TENT4B: variants seen among roughly 807,000 people sequenced by gnomAD.
The protein encoded by TENT4B is terminal nucleotidyltransferase 4B.
TENT4B carries 10 observed loss-of-function variants against 75.0 expected under a neutral mutation model. That is an observed-to-expected ratio of 0.13 (90% CI 0.08 to 0.23). The LOEUF is 0.23. Among genes scored for constraint, TENT4B ranks in the 10% least tolerant of loss-of-function variants. The pLI, the probability that TENT4B is intolerant of heterozygous loss-of-function variation, is 1.00. For synonymous variants in TENT4B, 350 were observed against 357.7 expected (o/e 0.98, Z 0.24); for missense variants, 579 against 893.8 (o/e 0.65, Z 4.49).
Position 50,232,522 on chromosome 16 carries a change from CT to C in TENT4B, c.*3195del. ...CTTATATCTCTCCATGTGTTTTCTG[CT>C]CCTTCCCTCCCCCATGAAATGGTAA... On this transcript the variant is annotated 3_prime_UTR_variant, in exon 12 of 12. Coordinates refer to ENST00000561678, the MANE Select transcript of TENT4B (RefSeq NM_001365324.3). 1.0e-6 allele frequency: 1 copy of C among 985,340 alleles called. No individual in the cohort carries two copies. Among genetic ancestry groups the C allele is most frequent in the African/African-American group, 1.7e-5 (1 of 57,316 alleles). The allele number at this position is 985,340 out of a possible 1,614,324, so 61.0% of individuals were successfully genotyped here. A position where few individuals can be genotyped will look rare whatever the true frequency, so the allele number is the denominator to read the frequency against.
In TENT4B at chr16:50,232,667, CA is replaced by C. The variant is rs1197768671; in HGVS notation, c.*3340del. On this transcript the variant is annotated 3_prime_UTR_variant, in exon 12 of 12. Coordinates refer to ENST00000561678, the MANE Select transcript of TENT4B (RefSeq NM_001365324.3). ...CAGGATTCTCTTGCTGTGACATGTT[CA>C]TTGCAAAGCCCTCTCCAGTGACTAG... 13 of 984,820 alleles carry C rather than the reference CA, an allele frequency of 1.3e-5. No homozygotes were observed. The highest frequency in any genetic ancestry group is 3.5e-5 in the African/African-American group (2 of 57,040). The allele number at this position is 984,820 out of a possible 1,614,324, so 61.0% of individuals were successfully genotyped here.
At chr16:50,185,641 A>T (rs1468987567) in intron 1 of TENT4B, among the ~76,000 whole-genome samples, 1 of 152,226 alleles carries the variant, frequency 6.6e-6, no homozygotes, top group Non-Finnish European at 1.5e-5. Flanking sequence ...ACACGTGAAG[A>T]GGATGCAGAG....
chr16:50,217,596 A>G lies in TENT4B; in HGVS notation c.971A>G (p.Lys324Arg). The part of the protein sequence containing the change: ...IKLTDSFTEV[K>R]VDISFNVQNG... The stretch of plus-strand genomic sequence containing the variant: ...TTAACAGATTCTTTTACTGAAGTGA[A>G]AGTTGATATCAGCTTTAATGTACAG... The change falls in exon 5 of 12, where the codon AAA becomes AGA. Residue 324 changes from lysine to arginine, a missense_variant. Coordinates refer to ENST00000561678, the MANE Select transcript of TENT4B (RefSeq NM_001365324.3). 6.5e-7 allele frequency: 1 copy of G among 1,529,406 alleles called. No homozygotes were observed. The highest frequency in any genetic ancestry group is 8.8e-7 in the Non-Finnish European group (1 of 1,141,026). The allele number at this position is 1,529,406 out of a possible 1,614,324, so 94.7% of individuals were successfully genotyped here. A position where few individuals can be genotyped will look rare whatever the true frequency, so the allele number is the denominator to read the frequency against.
chr16:50,218,102 C>T (rs9932844), intron 5 of TENT4B, among the ~76,000 whole-genome samples: 9,415 of 152,044 alleles, frequency 0.062, 468 homozygotes, highest in African/African-American at 0.13. Flanking sequence ...TTTGAATCTG[C>T]TTGTAATGAT....
intron 1 of TENT4B, among the ~76,000 whole-genome samples, chr16:50,176,412 T>C (rs571367924): frequency 6.6e-6 from 1 of 151,104 alleles, no homozygotes; most frequent in Non-Finnish European, 1.5e-5. Flanking sequence ...CCAAGTTTTA[T>C]TGAAAAAAAA....
intron 1 of TENT4B, among the ~76,000 whole-genome samples, chr16:50,180,703 C>T (rs2038397225): frequency 9.6e-6 from 1 of 104,576 alleles, no homozygotes; most frequent in African/African-American, 3.0e-5. Flanking sequence ...AGCGAGACTC[C>T]ATCTCAAAAA....
At chr16:50,218,495 A>G (rs903049913) in intron 5 of TENT4B, among the ~76,000 whole-genome samples, 1 of 151,966 alleles carries the variant, frequency 6.6e-6, no homozygotes, top group African/African-American at 2.4e-5. Context: ...GACGAGTACC[A>G]GGCACCTGCC....
chr16:50,197,577 C>T (rs1304694638), intron 1 of TENT4B, among the ~76,000 whole-genome samples: 1 of 152,176 alleles, frequency 6.6e-6, no homozygotes, highest in African/African-American at 2.4e-5. Flanking sequence ...GCGTGAGCCA[C>T]CATGCCATTT....
chr16:50,221,998 C>T (rs191398799), intron 5 of TENT4B, among the ~76,000 whole-genome samples: 22 of 152,270 alleles, frequency 1.4e-4, no homozygotes, highest in Middle Eastern at 3.4e-3. Flanking sequence ...CTCCTGACCT[C>T]AGGTGATCTG....
rs2031428209 is a variant in TENT4B, at chr16:50,214,137, T to G, written c.763-84T>G. On this transcript the variant is annotated intron_variant, in intron 2 of 11. Transcript: ENST00000561678. ...AGTACCAGTAGAGGGTAGCAAAAAC[T>G]GACATTTCTCCATATCTTGGTGACT... is the stretch of plus-strand genomic sequence containing the variant. 9.0e-6 allele frequency: 10 copies of G among 1,106,244 alleles called. No homozygotes were observed. In the South Asian group the frequency reaches 1.2e-4, roughly 14 times the overall value. The allele number at this position is 1,106,244 out of a possible 1,614,324, so 68.5% of individuals were successfully genotyped here.
At chr16:50,189,357 A>C (rs1222737339) in intron 1 of TENT4B, among the ~76,000 whole-genome samples, 2 of 152,184 alleles carry the variant, frequency 1.3e-5, no homozygotes, top group African/African-American at 4.8e-5. Flanking sequence ...AAAATATTGC[A>C]AGTGCGTTAT....
intron 1 of TENT4B, among the ~76,000 whole-genome samples, chr16:50,160,889 T>G (rs1042808095): frequency 6.6e-6 from 1 of 152,192 alleles, no homozygotes; most frequent in Non-Finnish European, 1.5e-5. Flanking sequence ...CCCACAACAC[T>G]AGAGACTGTA....
chr16:50,191,562 C>T (rs1340940321), intron 1 of TENT4B, among the ~76,000 whole-genome samples: 1 of 152,174 alleles, frequency 6.6e-6, no homozygotes, highest in African/African-American at 2.4e-5. Context: ...GCGTGAGCCA[C>T]CATGCCCAGC....
chr16:50,201,829 TTA>T (rs1491146930), intron 1 of TENT4B, among the ~76,000 whole-genome samples: 2 of 80,580 alleles, frequency 2.5e-5, no homozygotes, highest in East Asian at 4.0e-4. Flanking sequence ...GATACTCTAT[TTA>T]AAAAAAAAAA....
At chr16:50,226,220 C>T (rs901739642) in intron 10 of TENT4B, among the ~76,000 whole-genome samples, 29 of 152,004 alleles carry the variant, frequency 1.9e-4, no homozygotes, top group Admixed American at 3.3e-4. Context: ...AGGCTGGTCT[C>T]GAATTCCTGA....
In TENT4B at chr16:50,153,765, C is replaced by T; in HGVS notation, c.144C>T (p.Gly48=). 9.1e-7 allele frequency: 1 copy of T among 1,103,946 alleles called. No homozygotes were observed. Among genetic ancestry groups the T allele is most frequent in the Non-Finnish European group, 1.1e-6 (1 of 906,654 alleles). 68.4% of individuals were successfully genotyped at this position (1,103,946 alleles called of 1,614,324 possible). ...ACAGCAGCGGCGGCGCGAGCGGCGG[C>T]GGCGGCAGCAGCAGCAGCAGCAGCA... The part of the protein sequence containing the change: ...HCHSSGGASG[G]GGSSSSSSTA... Residue 48 remains glycine (G), a synonymous_variant, in exon 1 of 12, where the codon GGC becomes GGT. Coordinates refer to ENST00000561678, the MANE Select transcript of TENT4B (RefSeq NM_001365324.3).
Position 50,166,496 on chromosome 16 carries a change from T to G in TENT4B, c.638+12237T>G, listed in dbSNP as rs556632938. Among the ~76,000 whole-genome samples the G allele has an allele frequency of 2.0e-5, 3 of 152,378 alleles. No homozygotes were observed. The East Asian group carries it at 5.8e-4, about 29-fold the overall frequency. On this transcript the variant is annotated intron_variant, in intron 1 of 11. Transcript: ENST00000561678. The stretch of plus-strand genomic sequence containing the variant: ...TGGTGACTAAAAATGTTGAATATCT[T>G]TACATGAGCTTGTTGGCCATGTGCA...
Position 50,234,781 on chromosome 16 carries a change from A to C in TENT4B, c.*5453A>C. ...TATGGGTGAAAAGTGAGGGACGACC[A>C]GTGTAGTTTCTGGATATAAAGTGTG... On this transcript the variant is annotated 3_prime_UTR_variant, in exon 12 of 12. Transcript: ENST00000561678. The C allele has an allele frequency of 1.0e-6, 1 of 985,514 alleles. No individual in the cohort carries two copies. Among genetic ancestry groups the C allele is most frequent in the Middle Eastern group, 5.2e-4 (1 of 1,914 alleles). The allele number at this position is 985,514 out of a possible 1,614,324, so 61.0% of individuals were successfully genotyped here. A position where few individuals can be genotyped will look rare whatever the true frequency, so the allele number is the denominator to read the frequency against.
Position 50,175,500 on chromosome 16 carries a change from T to G in TENT4B, c.638+21241T>G, listed in dbSNP as rs957522195. 5.3e-5 allele frequency among the ~76,000 whole-genome samples: 8 copies of G among 152,188 alleles called. 1 individual carries two copies. Among genetic ancestry groups the G allele is most frequent in the Admixed American group, 4.6e-4 (7 of 15,256 alleles). The stretch of plus-strand genomic sequence containing the variant: ...AGATCTATGTCTGGATTCTCTCTTT[T>G]TTTGAGATGGAGTCTCGCTTTGTCG... On this transcript the variant is annotated intron_variant, in intron 1 of 11. Transcript: ENST00000561678.
Sources: allele counts gnomAD v4.1 joint callset (sites outside exome capture counted in the v4.1 genomes callset), GRCh38; gene constraint gnomAD v4.1.1; transcripts MANE v1.5; gene names NCBI Gene and HGNC (gene_info 2026-07-23, HGNC 2026-07-21).